Variants in DNAH5 observed in about 807,000 individuals in gnomAD.
DNAH5 encodes dynein axonemal heavy chain 5.
DNAH5 carries 372 observed loss-of-function variants against 518.2 expected under a neutral mutation model. The ratio of observed to expected loss-of-function variants is 0.72; its 90% CI spans 0.66 to 0.78. The LOEUF is 0.78. Among genes scored for constraint, DNAH5 ranks in the 30% least tolerant of loss-of-function variants. DNAH5 has a pLI of 0.00. For missense variants in DNAH5, 5,523 were observed against 5,687.0 expected (o/e 0.97, Z 0.93); for synonymous variants, 2,039 against 2,025.9 (o/e 1.01, Z -0.17).
At chr5:13,807,463 G>A (rs1759793641) in intron 47 of DNAH5, 128 bp downstream of exon 47, 3 of 824,390 alleles carry the variant, frequency 3.6e-6, no homozygotes, top group Non-Finnish European at 4.0e-6. Context: ...AATGGAAGAC[G>A]TACGTGGGTG....
At position 13,911,362 on chromosome 5, in the gene DNAH5, C is replaced by T. The variant is rs766645571; in HGVS notation, c.1644+24G>A. The stretch of plus-strand genomic sequence containing the variant: ...GAAAAAATAAACACACGACTGTCAA[C>T]AGGAATTTTATTATACAACCTACAT... On this transcript the variant is annotated intron_variant, in intron 12 of 78. Coordinates refer to ENST00000265104, the MANE Select transcript of DNAH5 (RefSeq NM_001369.3). The T allele has an allele frequency of 2.5e-6, 4 of 1,574,606 alleles. No individual in the cohort carries two copies. The South Asian group carries it at 4.4e-5, about 17-fold the overall frequency.
chr5:13,921,816 CA>C (rs140437944), intron 5 of DNAH5, among the ~76,000 whole-genome samples: 272 of 151,596 alleles, frequency 1.8e-3, no homozygotes, highest in African/African-American at 6.3e-3. Context: ...AGCAGTGCCA[CA>C]AGCATTTCTG....
chr5:13,961,741 T>G (rs375331079), intron 1 of DNAH5, among the ~76,000 whole-genome samples: 30 of 152,302 alleles, frequency 2.0e-4, no homozygotes, highest in African/African-American at 7.0e-4. Context: ...CACAGCATTA[T>G]GAGCCCCTTG....
At chr5:13,871,089 T>C (rs564825028) in intron 23 of DNAH5, 87 bp from the exon 24 acceptor site, 2 of 988,096 alleles carry the variant, frequency 2.0e-6, no homozygotes, top group East Asian at 5.0e-5. Context: ...CAGTAGTAAA[T>C]ATTTTATAGC....
Position 13,786,239 on chromosome 5 carries a change from GCTCTCATTA to G in DNAH5, c.8751_8759del (p.Asn2918_Ser2920del). 2.5e-6 allele frequency: 4 copies of G among 1,614,016 alleles called. No individual in the cohort carries two copies. Among genetic ancestry groups the G allele is most frequent in the Non-Finnish European group, 3.4e-6 (4 of 1,180,000 alleles). ...CCATGTCCATGCCGGCGCCACGGAT[GCTCTCATTA>G]TAGAGCTGCAGGAACATATTCAGAC... On this transcript the variant is annotated inframe_deletion, in exon 52 of 79. Transcript: ENST00000265104.
chr5:13,720,998 AC>A lies in DNAH5; in HGVS notation c.12279+1del, dbSNP rs764804386. 1.2e-6 allele frequency: 2 copies of A among 1,614,130 alleles called. No homozygotes were observed. On this transcript the variant is annotated splice_donor_variant, in intron 71 of 78. Coordinates refer to ENST00000265104, the MANE Select transcript of DNAH5 (RefSeq NM_001369.3). LOFTEE classifies it high-confidence loss of function. ...GCACAAAAGTAGACTATTCAGCCTT[AC>A]GTTCGCCATGGTCTGCTGCAAGAGC...
chr5:13,804,190 T>G (rs1174473296), intron 47 of DNAH5, among the ~76,000 whole-genome samples: 1 of 152,210 alleles, frequency 6.6e-6, no homozygotes, highest in Non-Finnish European at 1.5e-5. Context: ...TGTATAATTT[T>G]TGTCCAAACT....
intron 1 of DNAH5, among the ~76,000 whole-genome samples, chr5:13,969,306 C>T (rs547687827): frequency 4.6e-5 from 7 of 152,002 alleles, no homozygotes; most frequent in Admixed American, 6.5e-5. Flanking sequence ...TTTTTTGTTT[C>T]AATTTCATTT....
chr5:14,007,438 C>T (rs1002308631), intron 1 of DNAH5, among the ~76,000 whole-genome samples: 2 of 152,150 alleles, frequency 1.3e-5, no homozygotes, highest in Non-Finnish European at 2.9e-5. Flanking sequence ...ACAGCCAAGC[C>T]CTGGTGGCCC....
chr5:13,793,419 G>A lies in DNAH5; in HGVS notation c.8224+96C>T, dbSNP rs117737938. On this transcript the variant is annotated intron_variant, in intron 49 of 78. Coordinates refer to ENST00000265104, the MANE Select transcript of DNAH5 (RefSeq NM_001369.3). ...GCTGTAGACCAAGGAGCCACCCAGT[G>A]CTCTTTCTGTGTGGGTCTTGGGTGA... is the stretch of plus-strand genomic sequence containing the variant. The A allele has an allele frequency of 1.1e-4, 109 of 1,000,208 alleles. No individual in the cohort carries two copies. In the East Asian group the frequency reaches 2.4e-3, roughly 22 times the overall value. 62.0% of individuals were successfully genotyped at this position (1,000,208 alleles called of 1,614,324 possible).
At chr5:13,896,649 C>T (rs1773951015) in intron 15 of DNAH5, 1 of 152,156 alleles carries the variant, frequency 6.6e-6, no homozygotes, top group South Asian at 2.1e-4. Flanking sequence ...TGAACCAGTG[C>T]CTGGCACATA....
intron 1 of DNAH5, among the ~76,000 whole-genome samples, chr5:13,942,229 G>A (rs1779524788): frequency 6.6e-6 from 1 of 152,094 alleles, no homozygotes; most frequent in Non-Finnish European, 1.5e-5. Context: ...GGTTGTTACT[G>A]GCATGATATT....
chr5:13,892,504 CAT>C (rs1436301453), intron 16 of DNAH5, among the ~76,000 whole-genome samples: 1 of 152,218 alleles, frequency 6.6e-6, no homozygotes, highest in East Asian at 1.9e-4. Context: ...TGAGATTTTA[CAT>C]AGTTTTCTCT....
intron 58 of DNAH5, among the ~76,000 whole-genome samples, chr5:13,768,603 T>G (rs1752852897): frequency 6.6e-6 from 1 of 152,208 alleles, no homozygotes; most frequent in African/African-American, 2.4e-5. Flanking sequence ...ACAGATCACC[T>G]ACTCCATTGG....
rs985168730 is a variant in DNAH5, at chr5:13,752,279, A to G, written c.10883T>C (p.Leu3628Ser). ...GTGGTTTCTGAAGTACTTGTGATTTAAAGACGTGATCTAGGAACAGGATCA... is the reference window on the plus strand; with the variant it reads ...GTGGTTTCTGAAGTACTTGTGATTTGAAGACGTGATCTAGGAACAGGATCA... ...ESRNELQITS[L>S]NHKYFRNHLE... Residue 3628 changes from leucine to serine, a missense_variant, in exon 64 of 79, where the codon TTA becomes TCA. Physicochemically the swap from Leu to Ser is moderately radical, Grantham distance 145. This residue lies in a region of DNAH5 where 5,121 missense variants were observed against 5,223.3 expected (regional missense o/e 0.98). Coordinates refer to ENST00000265104, the MANE Select transcript of DNAH5 (RefSeq NM_001369.3). 2.5e-6 allele frequency: 4 copies of G among 1,614,078 alleles called. No individual in the cohort carries two copies. In the African/African-American group the frequency reaches 4.0e-5, roughly 16 times the overall value.
chr5:13,900,670 G>A lies in DNAH5; in HGVS notation c.2053-258C>T, dbSNP rs928009930. The A allele has an allele frequency of 1.2e-5, 6 of 508,724 alleles. No individual in the cohort carries two copies. In the Admixed American group the frequency reaches 1.3e-4, roughly 11 times the overall value. 31.5% of individuals were successfully genotyped at this position (508,724 alleles called of 1,614,324 possible). On this transcript the variant is annotated intron_variant, in intron 14 of 78. Coordinates refer to ENST00000265104, the MANE Select transcript of DNAH5 (RefSeq NM_001369.3). ...TAACACTGATAAATAAGTGGACACT[G>A]CAACAGTGGTGGCGTCTCAAAAGCC...
intron 47 of DNAH5, among the ~76,000 whole-genome samples, chr5:13,800,088 C>T (rs1443104083): frequency 1.3e-5 from 2 of 152,132 alleles, no homozygotes; most frequent in Non-Finnish European, 2.9e-5. Context: ...GAGGGTCTTT[C>T]TTCCCTTGGG....
Position 13,700,707 on chromosome 5 carries a change from G to T in DNAH5, c.13656C>A (p.Leu4552=), listed in dbSNP as rs1561071962. 1 of 1,614,150 alleles carries T rather than the reference G, an allele frequency of 6.2e-7. No individual in the cohort carries two copies. Among genetic ancestry groups the T allele is most frequent in the East Asian group, 2.2e-5 (1 of 44,878 alleles). The part of the protein sequence containing the change: ...GAGWDKRNMK[L]IESKPKVLFE... ...AGAGCACTTTTGGCTTTGATTCAAT[G>T]AGTTTCATGTTCCTCTTGTCCCAGC... Residue 4552 remains leucine (L), a synonymous_variant, in exon 78 of 79, where the codon CTC becomes CTA. Coordinates refer to ENST00000265104, the MANE Select transcript of DNAH5 (RefSeq NM_001369.3).
upstream of DNAH5, among the ~76,000 whole-genome samples, chr5:13,949,671 T>C (rs1054872916): frequency 6.6e-6 from 1 of 152,194 alleles, no homozygotes; most frequent in South Asian, 2.1e-4. Context: ...AGAGAGCGGC[T>C]TGGGGCTAAA....
Sources: allele counts gnomAD v4.1 joint callset (sites outside exome capture counted in the v4.1 genomes callset), GRCh38; gene constraint gnomAD v4.1.1; regional missense constraint gnomAD v4.1.1; transcripts MANE v1.5; gene names NCBI Gene and HGNC (gene_info 2026-07-23, HGNC 2026-07-21).